Variants in PBLD observed in about 807,000 individuals in gnomAD.
PBLD encodes the protein phenazine biosynthesis like protein domain containing.
In PBLD, 26 loss-of-function variants were observed where a neutral mutation model predicts 31.3. The ratio of observed to expected loss-of-function variants is 0.83; its 90% CI spans 0.61 to 1.15. The LOEUF (loss-of-function observed/expected upper bound fraction) is 1.15. Among genes scored for constraint, PBLD ranks in the 50% most tolerant of loss-of-function variants. The pLI is 0.00. For synonymous variants in PBLD, 114 were observed against 129.0 expected (o/e 0.88, Z 0.79); for missense variants, 307 against 351.7 (o/e 0.87, Z 1.02).
chr10:68,285,459 G>A lies in PBLD; in HGVS notation c.692-49C>T, dbSNP rs746882276. ...AGACAATCCCCAAGAAAACAGAGGC[G>A]ATTTTGTGGTAAATTTCTAAGCAAT... On this transcript the variant is annotated intron_variant, in intron 8 of 9. Transcript: ENST00000358769. 13 of 1,550,908 alleles carry A rather than the reference G, an allele frequency of 8.4e-6. No homozygotes were observed. The South Asian group carries it at 8.6e-5, about 10-fold the overall frequency.
intron 4 of PBLD, 36 bp from the exon 5 acceptor site, chr10:68,292,274 C>T (rs770737660): frequency 6.5e-7 from 1 of 1,548,594 alleles, no homozygotes; most frequent in East Asian, 2.2e-5. Context: ...AGGAAATAAA[C>T]TTTGTCATAT....
intron 1 of PBLD, among the ~76,000 whole-genome samples, chr10:68,327,783 A>T (rs2044947447): frequency 6.6e-6 from 1 of 152,268 alleles, no homozygotes; most frequent in African/African-American, 2.4e-5. Flanking sequence ...TAAAAGCAGT[A>T]CAATAATTTC....
rs374363010 is a variant in PBLD at position 68,308,845 on chromosome 10, GGTGTGTGTGT to G, written c.-59-1952_-59-1943del. 4.6e-5 allele frequency among the ~76,000 whole-genome samples: 6 copies of G among 130,358 alleles called. 1 individual carries two copies. The highest frequency in any genetic ancestry group is 8.6e-5 in the African/African-American group (3 of 35,064). 85.5% of individuals were successfully genotyped at this position (130,358 alleles called of 152,430 possible). On this transcript the variant is annotated intron_variant, in intron 1 of 9. Transcript: ENST00000358769. ...GTGCCCCACTGCACCTGACCTGCAT[GGTGTGTGTGT>G]GTGTGTGTGTGTGTGTGTGTGTGTG...
rs2044437005 is a variant in PBLD, at chr10:68,296,905, C to CGGGTG, written c.160_164dup (p.Asp57ArgfsTer13). 6.2e-7 allele frequency: 1 copy of CGGGTG among 1,613,238 alleles called. No individual in the cohort carries two copies. Among genetic ancestry groups the CGGGTG allele is most frequent in the African/African-American group, 1.3e-5 (1 of 74,846 alleles). The stretch of plus-strand genomic sequence containing the variant: ...ATTTACTTTGTGCAAAGTTGTCTGT[C>CGGGTG]GGGTGCAGTTTTCGGATAAAAGCAG... On this transcript the variant is annotated frameshift_variant, in exon 3 of 10. Coordinates refer to ENST00000358769, the MANE Select transcript of PBLD (RefSeq NM_022129.4). LOFTEE classifies it high-confidence loss of function.
At chr10:68,313,184 G>A (rs1056527863) in intron 1 of PBLD, among the ~76,000 whole-genome samples, 6 of 152,072 alleles carry the variant, frequency 3.9e-5, no homozygotes, top group Admixed American at 2.6e-4. Flanking sequence ...CAAAGTGCTA[G>A]GATTACAGGC....
rs2044273653 is a variant in PBLD, at chr10:68,285,397, A to G, written c.705T>C (p.Ala235=). 2 of 1,612,764 alleles carry G rather than the reference A, an allele frequency of 1.2e-6. No individual in the cohort carries two copies. Among genetic ancestry groups the G allele is most frequent in the Non-Finnish European group, 1.7e-6 (2 of 1,179,632 alleles). Reference sequence around the variant, plus strand: ...GCTGGGACCAGTAGCTGCTGAGAACAGCGTGTGCAGACCCTCAAAAGAAGT... The same window carrying G: ...GCTGGGACCAGTAGCTGCTGAGAACGGCGTGTGCAGACCCTCAAAAGAAGT... ...AEDPVTGSAH[A]VLSSYWSQHL... is the part of the protein sequence containing the mutation. Residue 235 remains alanine (A), a synonymous_variant, in exon 9 of 10, where the codon GCT becomes GCC. Coordinates refer to ENST00000358769, the MANE Select transcript of PBLD (RefSeq NM_022129.4).
intron 4 of PBLD, among the ~76,000 whole-genome samples, chr10:68,294,096 C>T (rs1040286777): frequency 9.9e-5 from 15 of 152,180 alleles, no homozygotes; most frequent in Non-Finnish European, 2.2e-4. Context: ...GTCCCCTATC[C>T]ACAGATACCA....
At chr10:68,296,030 A>G in intron 4 of PBLD, 1 of 350,596 alleles carries the variant, frequency 2.9e-6, no homozygotes, top group Non-Finnish European at 5.1e-6. Context: ...TAAAATAAAA[A>G]TAAAATAAAA....
chr10:68,301,951 A>G (rs903421443), intron 2 of PBLD, among the ~76,000 whole-genome samples: 1 of 152,206 alleles, frequency 6.6e-6, no homozygotes, highest in Non-Finnish European at 1.5e-5. Context: ...GACACGTGGA[A>G]AGTTTAACAG....
chr10:68,299,832 G>A (rs566111295), intron 2 of PBLD, among the ~76,000 whole-genome samples: 40 of 152,164 alleles, frequency 2.6e-4, no homozygotes, highest in South Asian at 1.2e-3. Context: ...CAGCCTGGGT[G>A]ACAGAGCAAG....
intron 4 of PBLD, among the ~76,000 whole-genome samples, chr10:68,295,215 G>T (rs758305922): frequency 6.6e-6 from 1 of 152,126 alleles, no homozygotes; most frequent in African/African-American, 2.4e-5. Context: ...CTTATTGGCC[G>T]GGCGTGGTGG....
intron 2 of PBLD, among the ~76,000 whole-genome samples, chr10:68,302,178 G>A (rs1459400470): frequency 6.6e-6 from 1 of 152,188 alleles, no homozygotes; most frequent in Non-Finnish European, 1.5e-5. Flanking sequence ...GCACAAAACA[G>A]TTACAAACCA....
rs1383610479 is a variant in PBLD, at chr10:68,306,775, A to G, written c.70T>C (p.Cys24Arg). Reference sequence around the variant, plus strand: ...CAAGCACTTACATTTTCTAGGAGGCAAACAGCAGCAGGATTCCCACGAAAT... The same window carrying G: ...CAAGCACTTACATTTTCTAGGAGGCGAACAGCAGCAGGATTCCCACGAAAT... ...RAFRGNPAAVCLLENELDEDM... is the reference protein window; with the variant it reads ...RAFRGNPAAVRLLENELDEDM... The change falls in exon 2 of 10, where the codon TGC (cysteine) becomes CGC (arginine). Residue 24 changes from cysteine to arginine, a missense_variant. By Grantham distance (180) the Cys-to-Arg change is radical (BLOSUM62 -3). Transcript: ENST00000358769. 1.2e-6 allele frequency: 2 copies of G among 1,612,070 alleles called. No individual in the cohort carries two copies. The highest frequency in any genetic ancestry group is 1.7e-6 in the Non-Finnish European group (2 of 1,178,606).
intron 1 of PBLD, among the ~76,000 whole-genome samples, 153 bp downstream of exon 1, chr10:68,332,631 G>A (rs2045233845): frequency 1.3e-5 from 2 of 152,166 alleles, no homozygotes; most frequent in African/African-American, 4.8e-5. Context: ...CCCTGGAAGG[G>A]ATGAGGGTGG....
intron 1 of PBLD, among the ~76,000 whole-genome samples, chr10:68,314,194 C>T (rs1228932178): frequency 6.6e-6 from 1 of 152,074 alleles, no homozygotes; most frequent in African/African-American, 2.4e-5. Context: ...CCAAGCTGGT[C>T]TCAAAGTCCT....
chr10:68,313,798 G>C (rs1486210919), intron 1 of PBLD, among the ~76,000 whole-genome samples: 2 of 151,864 alleles, frequency 1.3e-5, no homozygotes, highest in East Asian at 3.9e-4. Flanking sequence ...ACTTTGCAGT[G>C]GTAAAACCTT....
chr10:68,320,823 T>C (rs1456436034), intron 1 of PBLD, among the ~76,000 whole-genome samples: 83 of 146,700 alleles, frequency 5.7e-4, no homozygotes, highest in East Asian at 1.0e-3. Context: ...TCAACCCCCT[T>C]TTTTTTTTTT....
chr10:68,323,870 G>A (rs962600703), intron 1 of PBLD, among the ~76,000 whole-genome samples: 13 of 152,038 alleles, frequency 8.6e-5, no homozygotes, highest in African/African-American at 2.7e-4. Flanking sequence ...CTTAGCCTGA[G>A]GCCATCCCAA....
chr10:68,307,593 A>C (rs1034820675), intron 1 of PBLD, among the ~76,000 whole-genome samples: 1 of 151,634 alleles, frequency 6.6e-6, no homozygotes, highest in African/African-American at 2.4e-5. Context: ...TCCCCCTCCC[A>C]GGTTCACGCA....
Sources: allele counts gnomAD v4.1 joint callset (sites outside exome capture counted in the v4.1 genomes callset), GRCh38; gene constraint gnomAD v4.1.1; transcripts MANE v1.5; gene names NCBI Gene and HGNC (gene_info 2026-07-23, HGNC 2026-07-21).